Variants in PDE3A observed in about 807,000 individuals in gnomAD.
The protein encoded by PDE3A is phosphodiesterase 3A, also known as cGMP-inhibited 3',5'-cyclic phosphodiesterase 3A.
PDE3A carries 43 observed loss-of-function variants against 98.3 expected under a neutral mutation model. That is an observed-to-expected ratio of 0.44 (90% CI 0.34 to 0.56). The LOEUF is 0.56. PDE3A is among the 20% of genes least tolerant of loss of function. The pLI is 0.01. For synonymous variants in PDE3A, 663 were observed against 567.9 expected (o/e 1.17, Z -2.38); for missense variants, 1,427 against 1,440.7 (o/e 0.99, Z 0.15).
intron 1 of PDE3A, among the ~76,000 whole-genome samples, chr12:20,514,379 A>C (rs139880620): frequency 0.011 from 1,733 of 152,310 alleles, 26 homozygotes; most frequent in African/African-American, 0.039. Context: ...TGTAAATGTC[A>C]TTGATCTCAA....
chr12:20,510,340 AAAT>A (rs1289081533), intron 1 of PDE3A, among the ~76,000 whole-genome samples: 3 of 152,248 alleles, frequency 2.0e-5, no homozygotes, highest in Non-Finnish European at 4.4e-5. Context: ...AGATCAACTA[AAAT>A]AATCCACTAG....
At chr12:20,393,574 C>T (rs897953395) in intron 1 of PDE3A, among the ~76,000 whole-genome samples, 2 of 152,002 alleles carry the variant, frequency 1.3e-5, no homozygotes, top group African/African-American at 4.8e-5. Flanking sequence ...TTGATTATTA[C>T]ACATTGTATA....
chr12:20,492,879 A>G (rs1271151067), intron 1 of PDE3A, among the ~76,000 whole-genome samples: 1 of 152,086 alleles, frequency 6.6e-6, no homozygotes, highest in Non-Finnish European at 1.5e-5. Flanking sequence ...AAGGAAGGAG[A>G]TGAGTAAGGG....
In PDE3A at chr12:20,613,689, G is replaced by T; in HGVS notation, c.1258G>T (p.Ala420Ser). ...AGAGAGCTCTGAAAAAGACAAGCTT[G>T]CTATTCCAAAGGTAGGTAGTAATGA... ...SEESSEKDKLAIPKRLRRSLP... is the reference protein window; with the variant it reads ...SEESSEKDKLSIPKRLRRSLP... Residue 420 changes from alanine to serine, a missense_variant, in exon 3 of 16, where the codon GCT (alanine) becomes TCT (serine). Physicochemically the swap from Ala to Ser is moderately conservative, Grantham distance 99. Transcript: ENST00000359062. The T allele has an allele frequency of 6.2e-7, 1 of 1,613,750 alleles. No individual in the cohort carries two copies.
rs138816161 is a variant in PDE3A at position 20,542,499 on chromosome 12, T to C, written c.961-14161T>C. On this transcript the variant is annotated intron_variant, in intron 1 of 15. Transcript: ENST00000359062. ...TACACTTTTAATTTTCTTGGACTTATATATTTTAGGCCCATAAATGTAAAC... is the reference window on the plus strand; with the variant it reads ...TACACTTTTAATTTTCTTGGACTTACATATTTTAGGCCCATAAATGTAAAC... 4.4e-3 allele frequency among the ~76,000 whole-genome samples: 662 copies of C among 151,876 alleles called. 5 individuals carry two copies. The highest frequency in any genetic ancestry group is 0.015 in the African/African-American group (610 of 41,438).
intron 1 of PDE3A, among the ~76,000 whole-genome samples, chr12:20,530,934 T>G (rs1464286524): frequency 1.3e-5 from 2 of 152,190 alleles, no homozygotes. Flanking sequence ...AATGAAAAGA[T>G]ATTTTTTGTT....
intron 1 of PDE3A, among the ~76,000 whole-genome samples, chr12:20,437,136 A>G (rs1458046521): frequency 6.6e-6 from 1 of 152,054 alleles, no homozygotes; most frequent in Non-Finnish European, 1.5e-5. Flanking sequence ...GTGCTACTAA[A>G]CAAAGTTGAG....
At chr12:20,677,695 G>A (rs1209823527) in intron 15 of PDE3A, among the ~76,000 whole-genome samples, 2 of 152,094 alleles carry the variant, frequency 1.3e-5, no homozygotes, top group African/African-American at 4.8e-5. Flanking sequence ...TCCAGACCTC[G>A]TGATCTGCCT....
At chr12:20,665,319 T>C (rs1354244593) in intron 15 of PDE3A, among the ~76,000 whole-genome samples, 1 of 152,246 alleles carries the variant, frequency 6.6e-6, no homozygotes, top group Non-Finnish European at 1.5e-5. Flanking sequence ...AATGCTGACA[T>C]TAAATAGTCT....
chr12:20,640,892 T>A (rs923805153), intron 10 of PDE3A, among the ~76,000 whole-genome samples: 2 of 152,134 alleles, frequency 1.3e-5, no homozygotes, highest in Admixed American at 6.6e-5. Flanking sequence ...CTTGGAAATA[T>A]GTTATTTAAA....
Position 20,552,327 on chromosome 12 carries a change from C to A in PDE3A, c.961-4333C>A. On this transcript the variant is annotated intron_variant, in intron 1 of 15. Coordinates refer to ENST00000359062, the MANE Select transcript of PDE3A (RefSeq NM_000921.5). The surrounding 1 kb of genome is among the most constrained non-coding windows in gnomAD (Gnocchi z 5.1). ...TCTACAAGGTTGTGAAATACTGGCC[C>A]GAGAAGGGGAAGTCCGGGTTTCTCG... The A allele has an allele frequency of 6.2e-7, 1 of 1,613,738 alleles. No homozygotes were observed.
intron 5 of PDE3A, 24 bp downstream of exon 5, chr12:20,621,435 G>T (rs939635520): frequency 1.7e-6 from 2 of 1,205,496 alleles, no homozygotes; most frequent in Non-Finnish European, 1.2e-6. Context: ...CTGGAGAAGG[G>T]TTCATACTGT....
At chr12:20,493,768 C>T (rs1945869250) in intron 1 of PDE3A, among the ~76,000 whole-genome samples, 1 of 152,136 alleles carries the variant, frequency 6.6e-6, no homozygotes, top group Non-Finnish European at 1.5e-5. Context: ...GTAGCTGGGA[C>T]TACAGGCATG....
At chr12:20,378,707 T>C (rs1348581) in intron 1 of PDE3A, among the ~76,000 whole-genome samples, 41,272 of 151,650 alleles carry the variant, frequency 0.27, 6,329 homozygotes, top group East Asian at 0.41. Flanking sequence ...GAAATGTCAT[T>C]GTAACACACA....
rs1307765047 is a variant in PDE3A at position 20,616,382 on chromosome 12, C to T, written c.1422C>T (p.Ser474=). The stretch of plus-strand genomic sequence containing the variant: ...TCAAACTGCAGGAAGCACCTTCATC[C>T]AGGTGGCATACGGCTCCTGCTGGTT... ...TSIKLQEAPS[S]SPDSWNNPVM... is the part of the protein sequence containing the mutation. The change falls in exon 4 of 16, where the codon TCC becomes TCT. Residue 474 remains serine (S), a splice_region_variant and synonymous_variant. Transcript: ENST00000359062. 2 of 1,612,718 alleles carry T rather than the reference C, an allele frequency of 1.2e-6. No homozygotes were observed. Among genetic ancestry groups the T allele is most frequent in the Admixed American group, 1.7e-5 (1 of 59,944 alleles).
intron 2 of PDE3A, among the ~76,000 whole-genome samples, chr12:20,591,317 GT>G (rs1304766138): frequency 3.3e-5 from 5 of 152,202 alleles, no homozygotes; most frequent in African/African-American, 1.2e-4. Flanking sequence ...ACTTAACTCT[GT>G]TTTGAATGAC....
At position 20,680,348 on chromosome 12, in the gene PDE3A, C is replaced by T. The variant is rs186751143; in HGVS notation, c.*77C>T. 25 of 1,437,484 alleles carry T rather than the reference C, an allele frequency of 1.7e-5. No individual in the cohort carries two copies. The highest frequency in any genetic ancestry group is 2.4e-5 in the Non-Finnish European group (25 of 1,049,952). 89.0% of individuals were successfully genotyped at this position (1,437,484 alleles called of 1,614,324 possible). A position where few individuals can be genotyped will look rare whatever the true frequency, so the allele number is the denominator to read the frequency against. Reference sequence around the variant, plus strand: ...TCTTCAAGCCAGCACAACATTTAGACACAACACTGTAGAAATTTGAGATGG... The same window carrying T: ...TCTTCAAGCCAGCACAACATTTAGATACAACACTGTAGAAATTTGAGATGG... On this transcript the variant is annotated 3_prime_UTR_variant, in exon 16 of 16. Coordinates refer to ENST00000359062, the MANE Select transcript of PDE3A (RefSeq NM_000921.5).
chr12:20,620,992 G>A (rs1000143106), intron 4 of PDE3A, among the ~76,000 whole-genome samples: 3 of 152,014 alleles, frequency 2.0e-5, no homozygotes, highest in Admixed American at 6.6e-5. Context: ...TGTGAGGAAC[G>A]TAATTTTAGA....
At chr12:20,564,530 T>A (rs963216300) in intron 2 of PDE3A, among the ~76,000 whole-genome samples, 1 of 152,062 alleles carries the variant, frequency 6.6e-6, no homozygotes, top group Non-Finnish European at 1.5e-5. Flanking sequence ...ATGGCTAGGT[T>A]AGGGGGGAAT....
Sources: gnomAD v4.1 joint callset for allele counts (sites outside exome capture counted in the v4.1 genomes callset) on GRCh38, gnomAD v4.1.1 for gene constraint, Gnocchi (gnomAD v3.1) non-coding constraint, MANE v1.5 for transcripts, NCBI Gene and HGNC (gene_info 2026-07-23, HGNC 2026-07-21) for gene names.